Variants in ZAN observed in about 807,000 individuals in gnomAD.
ZAN encodes zonadhesin, also known as zonadhesin (gene/pseudogene).
Under a neutral mutation model 286.2 loss-of-function variants are expected in ZAN, and 260 were observed. The ratio of observed to expected loss-of-function variants is 0.91; its 90% CI spans 0.82 to 1.01. ZAN has a LOEUF of 1.01. Ranked by LOEUF, ZAN falls within the 50% of genes least tolerant of loss-of-function variation. The pLI is 0.00. For missense variants in ZAN, 3,410 were observed against 3,639.2 expected (o/e 0.94, Z 1.62); for synonymous variants, 1,368 against 1,417.5 (o/e 0.97, Z 0.79).
intron 25 of ZAN, 115 bp from the exon 26 acceptor site, chr7:100,767,716 C>T (rs1038384284): frequency 7.4e-5 from 88 of 1,183,592 alleles, no homozygotes; most frequent in Non-Finnish European, 8.9e-5. Context: ...TGGGCTCAAG[C>T]GATCCTCCGC....
At position 100,773,344 on chromosome 7, in the gene ZAN, T is replaced by G. The variant is rs752117277; in HGVS notation, c.5485T>G (p.Cys1829Gly). ...CTGCAGCAGCCCCTGCCCAGACACC[T>G]GCAGCAGCATAAACAACCCGAGGGA... ...SPCSSPCPDT[C>G]SSINNPRDCP... is the part of the protein sequence containing the mutation. Residue 1829 changes from cysteine (C) to glycine (G), a missense_variant, in exon 30 of 48, where the codon TGC becomes GGC. Physicochemically the swap from Cys to Gly is radical, Grantham distance 159. Around this residue, in one of 7 missense-constraint regions of ZAN, gnomAD observed 1,289 missense variants for 1,314.3 expected, o/e 0.98. Coordinates refer to ENST00000613979, the MANE Select transcript of ZAN (RefSeq NM_003386.3). The G allele has an allele frequency of 4.3e-6, 7 of 1,613,968 alleles. No homozygotes were observed. The Admixed American group carries it at 1.2e-4, about 27-fold the overall frequency.
At chr7:100,773,591 G>A in intron 30 of ZAN, 98 bp downstream of exon 30, 1 of 1,548,642 alleles carries the variant, frequency 6.5e-7, no homozygotes, top group Non-Finnish European at 8.7e-7. Flanking sequence ...CAGAACCTGG[G>A]AGGGGCAGGG....
rs764326853 is a variant in ZAN at position 100,767,201 on chromosome 7, G to A, written c.4804G>A (p.Val1602Ile). 37 of 1,613,186 alleles carry A rather than the reference G, an allele frequency of 2.3e-5. No individual in the cohort carries two copies. The highest frequency in any genetic ancestry group is 3.1e-5 in the Non-Finnish European group (36 of 1,179,848). Reference protein sequence around the residue: ...GILEVSYIKAVHVTVFDLSIS... With the variant: ...GILEVSYIKAIHVTVFDLSIS... The stretch of plus-strand genomic sequence containing the variant: ...CCTGGAGGTCTCCTACATCAAAGCC[G>A]TCCACGTGACAGTCTTTGACCTCAG... The change falls in exon 25 of 48, where the codon GTC becomes ATC. Residue 1602 changes from valine (V) to isoleucine (I), a missense_variant. Physicochemically the swap from Val to Ile is conservative, Grantham distance 29. Transcript: ENST00000613979.
intron 14 of ZAN, among the ~76,000 whole-genome samples, chr7:100,754,124 C>T (rs1229474831): frequency 6.6e-6 from 1 of 152,020 alleles, no homozygotes; most frequent in Non-Finnish European, 1.5e-5. Context: ...TTTTCCGGGC[C>T]ATCCATACTG....
At position 100,767,950 on chromosome 7, in the gene ZAN, G is replaced by A. The variant is rs1369597760; in HGVS notation, c.4980G>A (p.Gly1660=). The A allele has an allele frequency of 4.3e-6, 7 of 1,613,820 alleles. No individual in the cohort carries two copies. Among genetic ancestry groups the A allele is most frequent in the Admixed American group, 1.7e-5 (1 of 59,960 alleles). The part of the protein sequence containing the change: ...TNFGLQVRYD[G]SHLVEVTVPS... ...TTGGGCTCCAAGTTCGCTACGACGGGAGCCACTTGGTGGAAGTGACAGTCC... is the reference window on the plus strand; with the variant it reads ...TTGGGCTCCAAGTTCGCTACGACGGAAGCCACTTGGTGGAAGTGACAGTCC... Residue 1660 remains glycine, a synonymous_variant, in exon 26 of 48, where the codon GGG becomes GGA. Coordinates refer to ENST00000613979, the MANE Select transcript of ZAN (RefSeq NM_003386.3).
chr7:100,779,771 C>CCCCAAACCCCT (rs1301519543), intron 35 of ZAN, 21 bp downstream of exon 35: 1 of 1,536,062 alleles, frequency 6.5e-7, no homozygotes, highest in Middle Eastern at 2.2e-4. Context: ...CCTGCTGTCA[C>CCCCAAACCCCT]CCCAAACCCC....
In ZAN at chr7:100,795,178, C is replaced by T; in HGVS notation, c.8126-18C>T. On this transcript the variant is annotated intron_variant, in intron 44 of 47. Coordinates refer to ENST00000613979, the MANE Select transcript of ZAN (RefSeq NM_003386.3). Reference sequence around the variant, plus strand: ...TCCTCCCAGGGCCCCCCTCCCACAACCCTCTCTGTCCTTGCAGAAAGCCCG... The same window carrying T: ...TCCTCCCAGGGCCCCCCTCCCACAATCCTCTCTGTCCTTGCAGAAAGCCCG... 1 of 1,603,254 alleles carries T rather than the reference C, an allele frequency of 6.2e-7. No individual in the cohort carries two copies. The highest frequency in any genetic ancestry group is 1.1e-5 in the South Asian group (1 of 89,766).
intron 15 of ZAN, 92 bp from the exon 16 acceptor site, chr7:100,758,110 A>G: frequency 2.0e-6 from 2 of 1,006,200 alleles, no homozygotes; most frequent in Non-Finnish European, 2.6e-6. Context: ...ATAAATAAAT[A>G]AATAAATAAA....
Position 100,789,412 on chromosome 7 carries a change from T to C in ZAN, c.7357+65T>C, listed in dbSNP as rs555924019. On this transcript the variant is annotated intron_variant, in intron 39 of 47. Coordinates refer to ENST00000613979, the MANE Select transcript of ZAN (RefSeq NM_003386.3). ...CTGGGAAGTGGGAGGGAAAATCCTATTTAAGACAGGCAAATCCTGGTGAGC... is the reference window on the plus strand; with the variant it reads ...CTGGGAAGTGGGAGGGAAAATCCTACTTAAGACAGGCAAATCCTGGTGAGC... 33 of 1,590,462 alleles carry C rather than the reference T, an allele frequency of 2.1e-5. No homozygotes were observed. In the South Asian group the frequency reaches 3.4e-4, roughly 16 times the overall value.
Position 100,794,248 on chromosome 7 carries a change from C to T in ZAN, c.8115C>T (p.Gly2705=), listed in dbSNP as rs750397923. The change falls in exon 44 of 48, where the codon GGC becomes GGT. Residue 2705 remains glycine (G), a synonymous_variant. Coordinates refer to ENST00000613979, the MANE Select transcript of ZAN (RefSeq NM_003386.3). ...GCACCCTGGGGAACCACACCCAAGG[C>T]TGCTTTCCAGGTGAACCTGCACTCC... The part of the protein sequence containing the change: ...EVCTLGNHTQ[G]CFPESPCLQN... 23 of 1,603,354 alleles carry T rather than the reference C, an allele frequency of 1.4e-5. No homozygotes were observed. Among genetic ancestry groups the T allele is most frequent in the Non-Finnish European group, 2.0e-5 (23 of 1,173,930 alleles).
intron 36 of ZAN, 41 bp from the exon 37 acceptor site, chr7:100,785,956 G>GC: frequency 6.3e-7 from 1 of 1,586,110 alleles, no homozygotes; most frequent in Non-Finnish European, 8.6e-7. Flanking sequence ...GCCGCGCCCA[G>GC]CCCCCTCCTC....
chr7:100,753,312 T>C, intron 14 of ZAN, 83 bp downstream of exon 14: 2 of 1,417,902 alleles, frequency 1.4e-6, no homozygotes, highest in Non-Finnish European at 1.9e-6. Context: ...ATGCTTCTGG[T>C]AGAAGCCTTC....
intron 40 of ZAN, among the ~76,000 whole-genome samples, chr7:100,791,480 C>T (rs1484420850): frequency 6.6e-6 from 1 of 152,048 alleles, no homozygotes; most frequent in Non-Finnish European, 1.5e-5. Flanking sequence ...GATCTCAGCT[C>T]ACTGCAACCT....
chr7:100,759,920 C>A, intron 18 of ZAN, 75 bp downstream of exon 18: 1 of 1,531,594 alleles, frequency 6.5e-7, no homozygotes, highest in Non-Finnish European at 8.8e-7. Flanking sequence ...AATCCCTGAA[C>A]CTTTCCACGG....
In ZAN at chr7:100,789,345, C is replaced by T. The variant is rs1485925569; in HGVS notation, c.7355C>T (p.Ala2452Val). ...GTCAGCTTTGGTGGAAGGAAAAATG[C>T]AGGTAATGGAGAGAGGGGAAAGAAG... ...LVVSFGGRKN[A>V]VISLPSMYEG... Residue 2452 changes from alanine to valine, a missense_variant and splice_region_variant, in exon 39 of 48, where the codon GCA becomes GTA. By Grantham distance (64) the Ala-to-Val change is moderately conservative. Around this residue, in one of 7 missense-constraint regions of ZAN, gnomAD observed 1,289 missense variants for 1,314.3 expected, o/e 0.98. Transcript: ENST00000613979. 6.2e-7 allele frequency: 1 copy of T among 1,613,210 alleles called. No homozygotes were observed. Among genetic ancestry groups the T allele is most frequent in the South Asian group, 1.1e-5 (1 of 90,930 alleles).
intron 38 of ZAN, among the ~76,000 whole-genome samples, chr7:100,788,994 C>T (rs899068553): frequency 3.3e-5 from 5 of 152,152 alleles, no homozygotes; most frequent in African/African-American, 9.7e-5. Flanking sequence ...CCACTGTGCC[C>T]GGCCTCACTG....
At chr7:100,795,136 T>C in intron 44 of ZAN, 60 bp from the exon 45 acceptor site, 11 of 1,546,426 alleles carry the variant, frequency 7.1e-6, no homozygotes, top group Non-Finnish European at 8.7e-6. Context: ...AGCCAGGCCT[T>C]CCCTCAGCTG....
intron 34 of ZAN, 82 bp from the exon 35 acceptor site, chr7:100,779,364 C>T: frequency 7.1e-7 from 1 of 1,398,752 alleles, no homozygotes; most frequent in South Asian, 1.4e-5. Flanking sequence ...GGTGACAGAG[C>T]AAGACTCCCC....
At chr7:100,757,616 G>T (rs1447230432) in intron 15 of ZAN, among the ~76,000 whole-genome samples, 1 of 151,760 alleles carries the variant, frequency 6.6e-6, no homozygotes, top group African/African-American at 2.4e-5. Context: ...TTAGCCGGGC[G>T]TCGTGGCGGG....
Sources: allele counts gnomAD v4.1 joint callset (sites outside exome capture counted in the v4.1 genomes callset), GRCh38; gene constraint gnomAD v4.1.1; regional missense constraint gnomAD v4.1.1; transcripts MANE v1.5; gene names NCBI Gene and HGNC (gene_info 2026-07-23, HGNC 2026-07-21).